GUCY2C: variants seen among roughly 807,000 people sequenced by gnomAD.
GUCY2C encodes the protein guanylyl cyclase C.
A neutral mutation model predicts 131.1 loss-of-function variants in GUCY2C; 118 were observed. The observed-to-expected ratio is 0.90, with a 90% CI of 0.78 to 1.05. GUCY2C has a LOEUF of 1.05. GUCY2C is among the 50% of genes least tolerant of loss of function. The pLI is 0.00. For missense variants in GUCY2C, 1,161 were observed against 1,304.4 expected (o/e 0.89, Z 1.69); for synonymous variants, 452 against 457.8 (o/e 0.99, Z 0.16).
intron 23 of GUCY2C, among the ~76,000 whole-genome samples, chr12:14,620,419 T>A (rs775030439): frequency 6.6e-6 from 1 of 152,222 alleles, no homozygotes; most frequent in Non-Finnish European, 1.5e-5. Flanking sequence ...ACCTTGCCCA[T>A]TGAAGCTCTC....
rs753207518 is a variant in GUCY2C, at chr12:14,669,721, C to T, written c.1282+1G>A. On this transcript the variant is annotated splice_donor_variant, in intron 10 of 26. Transcript: ENST00000261170. LOFTEE classifies it high-confidence loss of function. ...GAGAAAATTCATTAGGGATATCTTA[C>T]CCCGGCCTGTAATATCATTAGGAAG... is the stretch of plus-strand genomic sequence containing the variant. The T allele has an allele frequency of 1.2e-5, 17 of 1,468,952 alleles. No homozygotes were observed. Among genetic ancestry groups the T allele is most frequent in the Non-Finnish European group, 1.6e-5 (17 of 1,054,454 alleles). The allele number at this position is 1,468,952 out of a possible 1,614,324, so 91.0% of individuals were successfully genotyped here. A position where few individuals can be genotyped will look rare whatever the true frequency, so the allele number is the denominator to read the frequency against.
intron 20 of GUCY2C, among the ~76,000 whole-genome samples, chr12:14,627,855 G>A (rs763660808): frequency 6.6e-6 from 1 of 152,094 alleles, no homozygotes; most frequent in African/African-American, 2.4e-5. Flanking sequence ...ATGACCACAC[G>A]TTCATTAACT....
chr12:14,696,003 A>G (rs1948648473), intron 1 of GUCY2C, among the ~76,000 whole-genome samples: 1 of 152,084 alleles, frequency 6.6e-6, no homozygotes, highest in African/African-American at 2.4e-5. Flanking sequence ...AACACTTTAC[A>G]TTTCCTGAGT....
At chr12:14,628,532 A>T (rs1057512569) in intron 20 of GUCY2C, 114 bp downstream of exon 20, 4 of 673,090 alleles carry the variant, frequency 5.9e-6, no homozygotes, top group East Asian at 2.6e-5. Flanking sequence ...GTTGGTTGCC[A>T]CCTGGGATTT....
In GUCY2C at chr12:14,665,321, C is replaced by A. The variant is rs140042732; in HGVS notation, c.1283-4259G>T. ...TATGGAGAAGTGATAAATTCTATTC[C>A]GAGGGAGTAGCATAAATAAGGACAC... On this transcript the variant is annotated intron_variant, in intron 10 of 26. Transcript: ENST00000261170. Among the ~76,000 whole-genome samples, 487 of 151,722 alleles carry A rather than the reference C, an allele frequency of 3.2e-3. 3 individuals are homozygous for A. Among genetic ancestry groups the A allele is most frequent in the African/African-American group, 0.011 (465 of 41,340 alleles).
intron 10 of GUCY2C, among the ~76,000 whole-genome samples, chr12:14,663,240 T>C (rs1306490181): frequency 6.6e-6 from 1 of 152,238 alleles, no homozygotes; most frequent in Admixed American, 6.5e-5. Context: ...CTTTCCATTA[T>C]GAACACATCT....
At chr12:14,654,376 T>C (rs1406633342) in intron 12 of GUCY2C, among the ~76,000 whole-genome samples, 3 of 152,190 alleles carry the variant, frequency 2.0e-5, no homozygotes, top group Non-Finnish European at 4.4e-5. Context: ...TTTCTCCATG[T>C]CTACCTGACT....
rs1592143007 is a variant in GUCY2C, at chr12:14,681,628, C to T, written c.612-151G>A. ...ATAGACAGCACACACCATGATACCA[C>T]TAGTTTAGATTGTAAGATCTAAATT... On this transcript the variant is annotated intron_variant, in intron 4 of 26. Transcript: ENST00000261170. 7.8e-6 allele frequency: 5 copies of T among 639,222 alleles called. No individual in the cohort carries two copies. The East Asian group carries it at 1.4e-4, about 17-fold the overall frequency. The allele number at this position is 639,222 out of a possible 1,614,324, so 39.6% of individuals were successfully genotyped here. A position where few individuals can be genotyped will look rare whatever the true frequency, so the allele number is the denominator to read the frequency against.
At chr12:14,667,808 A>C (rs1011703591) in intron 10 of GUCY2C, among the ~76,000 whole-genome samples, 1 of 152,170 alleles carries the variant, frequency 6.6e-6, no homozygotes, top group East Asian at 1.9e-4. Flanking sequence ...CACCACTCTT[A>C]ACAGTTTAAC....
In GUCY2C at chr12:14,656,617, T is replaced by C; in HGVS notation, c.1365A>G (p.Arg455=). The C allele has an allele frequency of 2.8e-6, 4 of 1,449,616 alleles. No individual in the cohort carries two copies. The highest frequency in any genetic ancestry group is 2.9e-6 in the Non-Finnish European group (3 of 1,030,428). The allele number at this position is 1,449,616 out of a possible 1,614,324, so 89.8% of individuals were successfully genotyped here. Residue 455 remains arginine, a splice_region_variant and synonymous_variant, in exon 12 of 27, where the codon AGA becomes AGG. Coordinates refer to ENST00000261170, the MANE Select transcript of GUCY2C (RefSeq NM_004963.4). Reference sequence around the variant, plus strand: ...GAAGTTCATAATCTTTTCTATATTTTCTGTGAAAGGAATAAAACTGGTCAA... The same window carrying C: ...GAAGTTCATAATCTTTTCTATATTTCCTGTGAAAGGAATAAAACTGGTCAA... ...LLLLVALLML[R]KYRKDYELRQ... is the part of the protein sequence containing the mutation.
chr12:14,667,691 C>G (rs887604514), intron 10 of GUCY2C, among the ~76,000 whole-genome samples: 1 of 152,030 alleles, frequency 6.6e-6, no homozygotes, highest in African/African-American at 2.4e-5. Context: ...ATTTTTAATA[C>G]TTTTTGAAAA....
chr12:14,665,009 C>A (rs1349354561), intron 10 of GUCY2C, among the ~76,000 whole-genome samples: 1 of 151,912 alleles, frequency 6.6e-6, no homozygotes, highest in Non-Finnish European at 1.5e-5. Context: ...GTCAGGAGTT[C>A]GAGACCAGCC....
intron 19 of GUCY2C, among the ~76,000 whole-genome samples, chr12:14,634,196 G>A (rs1179848797): frequency 6.6e-6 from 1 of 152,200 alleles, no homozygotes; most frequent in Non-Finnish European, 1.5e-5. Flanking sequence ...TTTCTCAGCA[G>A]AAACATTACA....
rs755364322 is a variant in GUCY2C, at chr12:14,628,686, C to G, written c.2209G>C (p.Asp737His). ...AGTGTAGTCTCAATTTTTTTGAAATCTGGTCTCTTTTCTGGATCTTCCTCC... is the reference window on the plus strand; with the variant it reads ...AGTGTAGTCTCAATTTTTTTGAAATGTGGTCTCTTTTCTGGATCTTCCTCC... ...CWEEDPEKRPDFKKIETTLAK... is the reference protein window; with the variant it reads ...CWEEDPEKRPHFKKIETTLAK... The change falls in exon 20 of 27, where the codon GAT becomes CAT. Residue 737 changes from aspartate to histidine, a missense_variant. By Grantham distance (81) the Asp-to-His change is moderately conservative. Coordinates refer to ENST00000261170, the MANE Select transcript of GUCY2C (RefSeq NM_004963.4). 10 of 1,601,816 alleles carry G rather than the reference C, an allele frequency of 6.2e-6. No homozygotes were observed. The South Asian group carries it at 1.1e-4, about 18-fold the overall frequency.
intron 9 of GUCY2C, among the ~76,000 whole-genome samples, chr12:14,671,440 A>G (rs536046227): frequency 3.3e-5 from 5 of 152,106 alleles, no homozygotes; most frequent in Non-Finnish European, 5.9e-5. Context: ...ACCCTGCCCA[A>G]TGTTACATTT....
chr12:14,640,758 C>T (rs1372037811), intron 18 of GUCY2C, among the ~76,000 whole-genome samples: 1 of 152,148 alleles, frequency 6.6e-6, no homozygotes, highest in Non-Finnish European at 1.5e-5. Context: ...GTATGTCATC[C>T]TGTTAGAGTG....
intron 14 of GUCY2C, 140 bp downstream of exon 14, chr12:14,651,819 A>G (rs1947664966): frequency 3.4e-6 from 2 of 588,138 alleles, no homozygotes; most frequent in Admixed American, 6.8e-5. Context: ...ATCTCTTGGT[A>G]GAATTTTCAA....
At chr12:14,674,540 G>T in intron 8 of GUCY2C, 85 bp downstream of exon 8, 1 of 1,258,220 alleles carries the variant, frequency 7.9e-7, no homozygotes, top group Non-Finnish European at 1.2e-6. Flanking sequence ...ATCATCTATT[G>T]CTAAACCTTC....
chr12:14,620,950 G>A (rs1013104887), intron 23 of GUCY2C, 92 bp downstream of exon 23: 25 of 965,970 alleles, frequency 2.6e-5, no homozygotes, highest in South Asian at 1.3e-4. Context: ...ATGTGAGGTC[G>A]ATCACACTTG....
Sources: gnomAD v4.1 joint callset for allele counts (sites outside exome capture counted in the v4.1 genomes callset) on GRCh38, gnomAD v4.1.1 for gene constraint, MANE v1.5 for transcripts, NCBI Gene and HGNC (gene_info 2026-07-23, HGNC 2026-07-21) for gene names.